Variants in MNX1 observed in about 807,000 individuals in gnomAD.
The protein encoded by MNX1 is motor neuron and pancreas homeobox protein 1.
MNX1 carries 2 observed loss-of-function variants against 17.3 expected under a neutral mutation model. The ratio of observed to expected loss-of-function variants is 0.12; its 90% CI spans 0.05 to 0.36. MNX1 has a LOEUF of 0.36. MNX1 is among the 10% of genes least tolerant of loss of function. The pLI is 1.00. For missense variants in MNX1, 556 were observed against 564.7 expected (o/e 0.98, Z 0.16); for synonymous variants, 306 against 283.1 (o/e 1.08, Z -0.81).
chr7:157,009,564 G>C, intron 1 of MNX1, 96 bp downstream of exon 1: 2 of 1,526,464 alleles, frequency 1.3e-6, no homozygotes, highest in South Asian at 1.2e-5. Flanking sequence ...TCCCCCGCTC[G>C]CTGGGAGCCA....
rs542491560 is a variant in MNX1 at position 157,009,354 on chromosome 7, G to A, written c.691+306C>T. The A allele has an allele frequency of 1.2e-5, 17 of 1,410,450 alleles. No homozygotes were observed. In the East Asian group the frequency reaches 4.2e-4, roughly 35 times the overall value. The allele number at this position is 1,410,450 out of a possible 1,614,324, so 87.4% of individuals were successfully genotyped here. On this transcript the variant is annotated intron_variant, in intron 1 of 2. Transcript: ENST00000252971. ...GGGCGCTCTCGGCTCGCCTTCCCCC[G>A]GCGACTTCCTTCTCCTGCAGCCTTC... is the stretch of plus-strand genomic sequence containing the variant.
Position 157,010,660 on chromosome 7 carries a change from T to A in MNX1, c.-310A>T, listed in dbSNP as rs567352790. Reference sequence around the variant, plus strand: ...GACCGCGCGGAGGCCGCTGCCGCCGTGGTGGGGACCCGCGCCCCTCCGCGC... The same window carrying A: ...GACCGCGCGGAGGCCGCTGCCGCCGAGGTGGGGACCCGCGCCCCTCCGCGC... On this transcript the variant is annotated 5_prime_UTR_variant, in exon 1 of 3. Coordinates refer to ENST00000252971, the MANE Select transcript of MNX1 (RefSeq NM_005515.4). 2 of 216,838 alleles carry A rather than the reference T, an allele frequency of 9.2e-6. No individual in the cohort carries two copies. Among genetic ancestry groups the A allele is most frequent in the Non-Finnish European group, 9.3e-6 (1 of 107,948 alleles). The allele number at this position is 216,838 out of a possible 1,614,324, so 13.4% of individuals were successfully genotyped here.
At position 157,006,607 on chromosome 7, in the gene MNX1, G is replaced by A. The variant is rs1284244819; in HGVS notation, c.724C>T (p.Arg242Cys). Residue 242 changes from arginine (R) to cysteine (C), a missense_variant, in exon 2 of 3, where the codon CGC (arginine) becomes TGC (cysteine). Transcript: ENST00000252971. The surrounding 1 kb of genome is among the most constrained non-coding windows in gnomAD (Gnocchi z 6.3). ...CTGGTGAAGGCGGTGCGCGGCCGGC[G>A]GCACTTCCCCAGGAGGTTCGACTGC... ...QAQSNLLGKC[R>C]RPRTAFTSQQ... 4 of 1,602,242 alleles carry A rather than the reference G, an allele frequency of 2.5e-6. No individual in the cohort carries two copies. Among genetic ancestry groups the A allele is most frequent in the Admixed American group, 1.7e-5 (1 of 58,384 alleles).
In MNX1 at chr7:157,010,640, C is replaced by T. The variant is rs2134848117; in HGVS notation, c.-290G>A. ...TTGCGCTGCAGCCCTCAGGCGACCG[C>T]GCGGAGGCCGCTGCCGCCGTGGTGG... On this transcript the variant is annotated 5_prime_UTR_variant, in exon 1 of 3. Coordinates refer to ENST00000252971, the MANE Select transcript of MNX1 (RefSeq NM_005515.4). The T allele has an allele frequency of 4.2e-6, 1 of 236,448 alleles. No homozygotes were observed. Among genetic ancestry groups the T allele is most frequent in the Admixed American group, 5.6e-5 (1 of 17,752 alleles). 14.6% of individuals were successfully genotyped at this position (236,448 alleles called of 1,614,324 possible).
intron 1 of MNX1, chr7:157,009,380 G>A (rs1459960883): frequency 4.2e-6 from 6 of 1,418,514 alleles, no homozygotes; most frequent in South Asian, 1.6e-5. Flanking sequence ...TGCAGCCTTC[G>A]GGTTAATCAT....
At position 157,009,994 on chromosome 7, in the gene MNX1, C is replaced by A. The variant is rs185125482; in HGVS notation, c.357G>T (p.Pro119=). Residue 119 remains proline, a synonymous_variant, in exon 1 of 3, where the codon CCG becomes CCT. Transcript: ENST00000252971. ...CGGCGGCGGCAGCGGCCGCTGCGCCCGGATGCGCGTGGTGGTGGGGCCCCC... is the reference window on the plus strand; with the variant it reads ...CGGCGGCGGCAGCGGCCGCTGCGCCAGGATGCGCGTGGTGGTGGGGCCCCC... ...GHGGPHHHAH[P]GAAAAAAAAA... is the part of the protein sequence containing the mutation. 17,750 of 970,728 alleles carry A rather than the reference C, an allele frequency of 0.018. 632 individuals are homozygous for A. The highest frequency in any genetic ancestry group is 0.13 in the African/African-American group (7,010 of 53,558). The allele number at this position is 970,728 out of a possible 1,614,324, so 60.1% of individuals were successfully genotyped here. A position where few individuals can be genotyped will look rare whatever the true frequency, so the allele number is the denominator to read the frequency against.
intron 1 of MNX1, 46 bp downstream of exon 1, chr7:157,009,614 G>A (rs1253446724): frequency 1.3e-6 from 2 of 1,593,716 alleles, no homozygotes; most frequent in East Asian, 2.3e-5. Context: ...GAGGATGCGC[G>A]AGGCCCTCCC....
chr7:157,006,496 T>C lies in MNX1; in HGVS notation c.835A>G (p.Met279Val), dbSNP rs1805602125. Residue 279 changes from methionine to valine, a missense_variant, in exon 2 of 3, where the codon ATG becomes GTG. By Grantham distance (21) the Met-to-Val change is conservative. This residue lies in a region of MNX1 where 210 missense variants were observed against 211.3 expected (regional missense o/e 0.99). Transcript: ENST00000252971. The surrounding 1 kb of genome is among the most constrained non-coding windows in gnomAD (Gnocchi z 6.3). ...PKRFEVATSL[M>V]LTETQVKIWF... ...GCGCGCACCTGGGTCTCGGTGAGCA[T>C]GAGCGAGGTGGCCACCTCGAAGCGC... The C allele has an allele frequency of 6.2e-7, 1 of 1,610,528 alleles. No individual in the cohort carries two copies. The highest frequency in any genetic ancestry group is 8.5e-7 in the Non-Finnish European group (1 of 1,179,178).
chr7:157,009,103 C>T, intron 1 of MNX1: 7 of 1,536,098 alleles, frequency 4.6e-6, no homozygotes, highest in Non-Finnish European at 6.1e-6. Context: ...CCGGATCCAA[C>T]GCCCTTCCAG....
chr7:157,005,248 T>A lies in MNX1; in HGVS notation c.*272A>T, dbSNP rs1563699440. 1 of 256,164 alleles carries A rather than the reference T, an allele frequency of 3.9e-6. No individual in the cohort carries two copies. The highest frequency in any genetic ancestry group is 7.4e-6 in the Non-Finnish European group (1 of 134,376). 15.9% of individuals were successfully genotyped at this position (256,164 alleles called of 1,614,324 possible). A position where few individuals can be genotyped will look rare whatever the true frequency, so the allele number is the denominator to read the frequency against. ...TCCCCCAACACCAACCAAAATTAAT[T>A]TTAAAAGAACCAGAGTTCAAGTTTC... On this transcript the variant is annotated 3_prime_UTR_variant, in exon 3 of 3. Coordinates refer to ENST00000252971, the MANE Select transcript of MNX1 (RefSeq NM_005515.4).
chr7:157,008,943 T>C, intron 1 of MNX1: 1 of 1,515,530 alleles, frequency 6.6e-7, no homozygotes, highest in South Asian at 1.2e-5. Context: ...CCAGCGGCTC[T>C]GGGGTGGGGA....
intron 1 of MNX1, 137 bp downstream of exon 1, chr7:157,009,523 C>T: frequency 2.0e-6 from 3 of 1,464,756 alleles, no homozygotes; most frequent in Non-Finnish European, 2.7e-6. Context: ...CTCGCAGGCC[C>T]CGGGCAGAGC....
chr7:157,006,672 G>C lies in MNX1; in HGVS notation c.692-33C>G. ...CCAAAGGGCAGTGAGGCCCACAGCC[G>C]GCTCCGGTCCTCGCCCCAGCCCCTC... is the stretch of plus-strand genomic sequence containing the variant. On this transcript the variant is annotated intron_variant, in intron 1 of 2. Coordinates refer to ENST00000252971, the MANE Select transcript of MNX1 (RefSeq NM_005515.4). This position sits in a 1 kb window ranked among gnomAD's most constrained non-coding sequence, Gnocchi z 6.3. The C allele has an allele frequency of 6.5e-7, 1 of 1,544,476 alleles. No individual in the cohort carries two copies. Among genetic ancestry groups the C allele is most frequent in the Non-Finnish European group, 8.7e-7 (1 of 1,145,948 alleles).
In MNX1 at chr7:157,010,050, C is replaced by T; in HGVS notation, c.301G>A (p.Gly101Ser). ...CCGCCGCCCGTGCCGCCGCCGCCGCCGCCCGCGCCCAGGAAGCCCGGCTTG... is the reference window on the plus strand; with the variant it reads ...CCGCCGCCCGTGCCGCCGCCGCCGCTGCCCGCGCCCAGGAAGCCCGGCTTG... ...LPKPGFLGAG[G>S]GGGGTGGGHG... is the part of the protein sequence containing the mutation. The change falls in exon 1 of 3, where the codon GGC becomes AGC. Residue 101 changes from glycine (G) to serine (S), a missense_variant. Coordinates refer to ENST00000252971, the MANE Select transcript of MNX1 (RefSeq NM_005515.4). The T allele has an allele frequency of 1.0e-6, 1 of 998,670 alleles. No individual in the cohort carries two copies. Among genetic ancestry groups the T allele is most frequent in the Non-Finnish European group, 1.2e-6 (1 of 841,028 alleles). The allele number at this position is 998,670 out of a possible 1,614,324, so 61.9% of individuals were successfully genotyped here.
rs1272319703 is a variant in MNX1 at position 157,009,746 on chromosome 7, T to C, written c.605A>G (p.Lys202Arg). The change falls in exon 1 of 3, where the codon AAG becomes AGG. Residue 202 changes from lysine (K) to arginine (R), a missense_variant. Physicochemically the swap from Lys to Arg is conservative, Grantham distance 26. Around this residue, in one of 7 missense-constraint regions of MNX1, gnomAD observed 210 missense variants for 211.3 expected, o/e 0.99. Coordinates refer to ENST00000252971, the MANE Select transcript of MNX1 (RefSeq NM_005515.4). ...AHPAHPADPI[K>R]LGAGTFQLDQ... ...CAGCTGGAAGGTGCCGGCGCCCAGC[T>C]TGATGGGGTCGGCGGGGTGCGCGGG... 7 of 1,606,668 alleles carry C rather than the reference T, an allele frequency of 4.4e-6. No individual in the cohort carries two copies. The East Asian group carries it at 1.6e-4, about 36-fold the overall frequency.
At chr7:157,009,429 T>G in intron 1 of MNX1, 2 of 1,428,108 alleles carry the variant, frequency 1.4e-6, no homozygotes, top group Non-Finnish European at 1.8e-6. Context: ...CCCTTCCCGT[T>G]AAGAGAGGAA....
At position 157,010,069 on chromosome 7, in the gene MNX1, C is replaced by G. The variant is rs1302962510; in HGVS notation, c.282G>C (p.Pro94=). The change falls in exon 1 of 3, where the codon CCG becomes CCC. Residue 94 remains proline (P), a synonymous_variant. Transcript: ENST00000252971. Reference sequence around the variant, plus strand: ...CGCCGCCGCCCGCGCCCAGGAAGCCCGGCTTGGGCAGCAGCGCGCAGTGCG... The same window carrying G: ...CGCCGCCGCCCGCGCCCAGGAAGCCGGGCTTGGGCAGCAGCGCGCAGTGCG... ...LAAHCALLPK[P]GFLGAGGGGG... is the part of the protein sequence containing the mutation. 2 of 996,066 alleles carry G rather than the reference C, an allele frequency of 2.0e-6. No individual in the cohort carries two copies. The highest frequency in any genetic ancestry group is 1.1e-4 in the East Asian group (1 of 9,044). The allele number at this position is 996,066 out of a possible 1,614,324, so 61.7% of individuals were successfully genotyped here. A position where few individuals can be genotyped will look rare whatever the true frequency, so the allele number is the denominator to read the frequency against.
rs769149330 is a variant in MNX1, at chr7:157,010,305, C to T, written c.46G>A (p.Asp16Asn). The T allele has an allele frequency of 5.7e-6, 9 of 1,576,754 alleles. No homozygotes were observed. The highest frequency in any genetic ancestry group is 7.7e-6 in the Non-Finnish European group (9 of 1,162,836). Residue 16 changes from aspartate (D) to asparagine (N), a missense_variant, in exon 1 of 3, where the codon GAC becomes AAC. Physicochemically the swap from Asp to Asn is conservative, Grantham distance 23 (BLOSUM62 1). Transcript: ENST00000252971. Reference sequence around the variant, plus strand: ...TGCGCAGAGGCGGCTCGTGGGGGGTCCACCGCCAGCAGGGCGTCGATGCGG... The same window carrying T: ...TGCGCAGAGGCGGCTCGTGGGGGGTTCACCGCCAGCAGGGCGTCGATGCGG... ...NFRIDALLAVDPPRAASAQSA... is the reference protein window; with the variant it reads ...NFRIDALLAVNPPRAASAQSA...
intron 1 of MNX1, chr7:157,009,034 CT>C: frequency 2.6e-6 from 4 of 1,537,102 alleles, no homozygotes; most frequent in Non-Finnish European, 2.6e-6. Flanking sequence ...CAGGCACCTA[CT>C]GTTGAGAGTC....
Sources: gnomAD v4.1 joint callset for allele counts on GRCh38, gnomAD v4.1.1 for gene constraint, gnomAD v4.1.1 regional missense constraint, Gnocchi (gnomAD v3.1) non-coding constraint, MANE v1.5 for transcripts, NCBI Gene and HGNC (gene_info 2026-07-23, HGNC 2026-07-21) for gene names.